Variants in GSE1 observed in about 807,000 individuals in gnomAD.
GSE1 encodes the protein genetic suppressor element 1.
In GSE1, 32 loss-of-function variants were observed where a neutral mutation model predicts 112.6. The observed-to-expected ratio is 0.28, with a 90% CI of 0.21 to 0.38. The LOEUF is 0.38. Among genes scored for constraint, GSE1 ranks in the 10% least tolerant of loss-of-function variants. GSE1 has a pLI of 1.00. For synonymous variants in GSE1, 1,115 were observed against 735.6 expected (o/e 1.52, Z -8.35); for missense variants, 2,348 against 1,699.2 (o/e 1.38, Z -6.71).
At chr16:85,201,693 G>GGGCCGCT (rs1284839286) in intron 1 of GSE1, among the ~76,000 whole-genome samples, 1 of 152,012 alleles carries the variant, frequency 6.6e-6, no homozygotes, top group Non-Finnish European at 1.5e-5. Context: ...GACCATGGCT[G>GGGCCGCT]GGCCGCTGAC....
chr16:85,511,895 G>T (rs2051758996), intron 2 of GSE1, among the ~76,000 whole-genome samples: 1 of 152,194 alleles, frequency 6.6e-6, no homozygotes, highest in Non-Finnish European at 1.5e-5. Context: ...TTGGCCTCCA[G>T]ATCTGTGAGA....
chr16:85,657,409 C>T lies in GSE1; in HGVS notation c.1445C>T (p.Ala482Val), dbSNP rs572857352. Residue 482 changes from alanine (A) to valine (V), a missense_variant, in exon 8 of 16, where the codon GCT becomes GTT. Transcript: ENST00000253458. ...HGIFSLPSSSAATALLIQRTN... is the reference protein window; with the variant it reads ...HGIFSLPSSSVATALLIQRTN... ...ATCTTCTCTCTGCCTAGCAGCAGTG[C>T]TGCCACAGCCCTGCTGATCCAGCGC... 2.5e-6 allele frequency: 4 copies of T among 1,612,814 alleles called. No homozygotes were observed. In the African/African-American group the frequency reaches 5.3e-5, roughly 21 times the overall value.
At chr16:85,472,156 T>A (rs550212810) in intron 2 of GSE1, among the ~76,000 whole-genome samples, 1 of 152,258 alleles carries the variant, frequency 6.6e-6, no homozygotes, top group East Asian at 1.9e-4. Context: ...ATGTCCCTGT[T>A]GAGAAATCCT....
intron 2 of GSE1, among the ~76,000 whole-genome samples, chr16:85,491,870 G>C (rs954307308): frequency 3.9e-5 from 6 of 152,198 alleles, no homozygotes; most frequent in South Asian, 2.1e-4. Flanking sequence ...TCAGCCAGGG[G>C]GTGGCTGTGG....
intron 1 of GSE1, among the ~76,000 whole-genome samples, chr16:85,270,742 A>G (rs922493117): frequency 7.1e-5 from 9 of 126,144 alleles, no homozygotes; most frequent in African/African-American, 2.3e-4. Flanking sequence ...GCTGGAGAGA[A>G]TGTCGCCCTG....
At chr16:85,361,274 GACGC>G (rs1226033520) in intron 2 of GSE1, among the ~76,000 whole-genome samples, 1 of 105,922 alleles carries the variant, frequency 9.4e-6, no homozygotes, top group African/African-American at 3.8e-5. Flanking sequence ...CAAACATACA[GACGC>G]ACACAAGGGC....
chr16:85,437,032 T>C (rs970384512), intron 2 of GSE1, among the ~76,000 whole-genome samples: 4 of 152,206 alleles, frequency 2.6e-5, no homozygotes, highest in Admixed American at 2.0e-4. Flanking sequence ...CAGCGACTTT[T>C]GGCCTCTGAG....
chr16:85,259,951 A>G (rs1050373458), intron 1 of GSE1, among the ~76,000 whole-genome samples: 1 of 152,212 alleles, frequency 6.6e-6, no homozygotes, highest in South Asian at 2.1e-4. Context: ...AAGCACACAG[A>G]GGCGGGGCCC....
intron 1 of GSE1, among the ~76,000 whole-genome samples, chr16:85,301,860 C>A (rs2045536045): frequency 6.6e-6 from 1 of 152,228 alleles, no homozygotes; most frequent in Non-Finnish European, 1.5e-5. Context: ...GAACCCGTGA[C>A]CTTGTCCCCA....
At chr16:85,358,786 C>G (rs74699327) in intron 2 of GSE1, among the ~76,000 whole-genome samples, 3 of 152,196 alleles carry the variant, frequency 2.0e-5, no homozygotes, top group Non-Finnish European at 4.4e-5. Flanking sequence ...GGCCACAAAA[C>G]AGGCCAGGCA....
intron 1 of GSE1, among the ~76,000 whole-genome samples, chr16:85,345,497 C>T (rs2046715560): frequency 6.6e-6 from 1 of 152,202 alleles, no homozygotes; most frequent in East Asian, 1.9e-4. Context: ...AACACTCTTC[C>T]CCAGCTATCT....
At chr16:85,219,537 A>ATGC (rs1254743720) in intron 1 of GSE1, among the ~76,000 whole-genome samples, 1 of 152,060 alleles carries the variant, frequency 6.6e-6, no homozygotes. Context: ...ACTCTCTAGA[A>ATGC]AGCCCCCTCT....
intron 1 of GSE1, among the ~76,000 whole-genome samples, chr16:85,348,602 C>G (rs1389628763): frequency 5.3e-5 from 8 of 152,212 alleles, no homozygotes; most frequent in Admixed American, 5.2e-4. Context: ...GTGCTCTGTG[C>G]CTGCTGGAAG....
chr16:85,169,722 G>C, exon 1 of GSE1: 1 of 983,654 alleles, frequency 1.0e-6, no homozygotes, highest in Non-Finnish European at 1.2e-6. Context: ...CGTTCCTGCA[G>C]CAGCAGGAGC....
At chr16:85,375,328 C>T (rs529029966) in intron 2 of GSE1, among the ~76,000 whole-genome samples, 1 of 152,284 alleles carries the variant, frequency 6.6e-6, no homozygotes, top group Admixed American at 6.5e-5. Flanking sequence ...ACCTCACCTC[C>T]CCCAGGTGAG....
chr16:85,313,498 G>A (rs965821572), intron 1 of GSE1, among the ~76,000 whole-genome samples: 1 of 152,162 alleles, frequency 6.6e-6, no homozygotes, highest in Non-Finnish European at 1.5e-5. Context: ...TTGGCCCCGA[G>A]GAAGCCAAGC....
chr16:85,369,087 G>A (rs1412622318), intron 2 of GSE1, among the ~76,000 whole-genome samples: 2 of 152,184 alleles, frequency 1.3e-5, no homozygotes, highest in East Asian at 3.9e-4. Flanking sequence ...GCCCTGACTC[G>A]GATCTCACGA....
At chr16:85,485,321 G>A (rs1204363651) in intron 2 of GSE1, among the ~76,000 whole-genome samples, 2 of 152,240 alleles carry the variant, frequency 1.3e-5, no homozygotes, top group African/African-American at 2.4e-5. Context: ...GGAGCCTGCA[G>A]TCACACAGCA....
Position 85,379,814 on chromosome 16 carries a change from G to A in GSE1, c.2464+22171G>A, listed in dbSNP as rs142620134. ...GCCTAGGGGTTGAGGGAAGCAGATC[G>A]CTGTGCTCCTCCCCCAGCTCCTGCT... is the stretch of plus-strand genomic sequence containing the variant. On this transcript the variant is annotated intron_variant, in intron 2 of 2. Coordinates refer to the GSE1 transcript ENST00000637419. 6.6e-5 allele frequency among the ~76,000 whole-genome samples: 10 copies of A among 152,302 alleles called. No individual in the cohort carries two copies. In the East Asian group the frequency reaches 1.4e-3, roughly 21 times the overall value.
Sources: allele counts gnomAD v4.1 joint callset (sites outside exome capture counted in the v4.1 genomes callset), GRCh38; gene constraint gnomAD v4.1.1; transcripts MANE v1.5; gene names NCBI Gene and HGNC (gene_info 2026-07-23, HGNC 2026-07-21).